Variants in SCRG1 observed in about 807,000 individuals in gnomAD.
SCRG1 encodes the protein stimulator of chondrogenesis 1.
Under a neutral mutation model 7.7 loss-of-function variants are expected in SCRG1, and 3 were observed. That is an observed-to-expected ratio of 0.39 (90% CI 0.18 to 1.01). The LOEUF (loss-of-function observed/expected upper bound fraction) is 1.01. SCRG1 is among the 50% of genes least tolerant of loss of function. The pLI is 0.36. For synonymous variants in SCRG1, 46 were observed against 41.2 expected, an observed-to-expected ratio of 1.12 and a Z score of -0.44; for missense variants, 110 against 117.2, an observed-to-expected ratio of 0.94 and a Z score of 0.28.
the SCRG1 span, among the ~76,000 whole-genome samples, chr4:173,438,575 A>G: frequency 3.3e-5 from 5 of 150,666 alleles, no homozygotes; most frequent in Non-Finnish European, 7.4e-5. Context: ...ATATTGATCA[A>G]TCAATGACTA....
chr4:173,451,626 CTTACTTATTTTATTTATTTATTTATTTAT>C, the SCRG1 span, among the ~76,000 whole-genome samples: 16 of 121,448 alleles, frequency 1.3e-4, no homozygotes, highest in South Asian at 2.7e-4. Context: ...TTTTATTTTA[CTTACTTATTTTATTTATTTATTTATTTAT>C]TTATTTATTT....
chr4:173,412,775 A>T, the SCRG1 span, among the ~76,000 whole-genome samples: 4 of 152,180 alleles, frequency 2.6e-5, no homozygotes, highest in Non-Finnish European at 4.4e-5. Context: ...CTTTGATTCC[A>T]AGTGGCTTAG....
chr4:173,464,568 C>T, the SCRG1 span, among the ~76,000 whole-genome samples: 3 of 152,100 alleles, frequency 2.0e-5, no homozygotes, highest in African/African-American at 7.2e-5. Context: ...TCTTATAAAA[C>T]AACAACAACT....
the SCRG1 span, among the ~76,000 whole-genome samples, chr4:173,434,506 CAA>C: frequency 6.6e-6 from 1 of 152,116 alleles, no homozygotes; most frequent in African/African-American, 2.4e-5. Flanking sequence ...ATGGAATTTC[CAA>C]AGATACATTT....
At chr4:173,460,577 C>G in the SCRG1 span, among the ~76,000 whole-genome samples, 1 of 152,218 alleles carries the variant, frequency 6.6e-6, no homozygotes, top group East Asian at 1.9e-4. Flanking sequence ...CAGAAGGGAA[C>G]CCCGTGCCCT....
the SCRG1 span, among the ~76,000 whole-genome samples, chr4:173,465,556 G>A: frequency 2.0e-5 from 3 of 151,936 alleles, no homozygotes; most frequent in Admixed American, 6.6e-5. Context: ...TCCCTCCTGT[G>A]ATATCATTCC....
the SCRG1 span, among the ~76,000 whole-genome samples, chr4:173,441,223 T>C: frequency 9.2e-5 from 14 of 152,194 alleles, no homozygotes; most frequent in Admixed American, 9.2e-4. Context: ...GTGTGATACA[T>C]GTAAAGGAGG....
chr4:173,419,993 A>G, the SCRG1 span: 1 of 694,726 alleles, frequency 1.4e-6, no homozygotes. Flanking sequence ...ATCATCCTGT[A>G]TTTGGGTGTG....
the SCRG1 span, among the ~76,000 whole-genome samples, chr4:173,474,923 ATCTC>A: frequency 1.9e-4 from 29 of 150,560 alleles, 1 homozygote; most frequent in Non-Finnish European, 3.2e-4. Context: ...ATATTTTGAA[ATCTC>A]TCTCTCTCTT....
the SCRG1 span, among the ~76,000 whole-genome samples, chr4:173,512,492 A>C: frequency 6.6e-5 from 10 of 152,280 alleles, no homozygotes; most frequent in African/African-American, 2.4e-4. Flanking sequence ...ACTCAAGTGC[A>C]CACGCAGAGA....
the SCRG1 span, among the ~76,000 whole-genome samples, chr4:173,411,558 C>A: frequency 6.6e-6 from 1 of 152,020 alleles, no homozygotes; most frequent in African/African-American, 2.4e-5. Flanking sequence ...TATTTAGCAA[C>A]CTGTATGGTG....
chr4:173,416,350 C>A, the SCRG1 span, among the ~76,000 whole-genome samples: 23 of 151,824 alleles, frequency 1.5e-4, no homozygotes, highest in Non-Finnish European at 3.1e-4. Context: ...AAACGATGCT[C>A]CCCGCTGCCA....
the SCRG1 span, among the ~76,000 whole-genome samples, chr4:173,483,429 A>ATATTATATATTATATCAT: frequency 6.2e-4 from 6 of 9,644 alleles, no homozygotes; most frequent in South Asian, 7.8e-3. Flanking sequence ...ATCATGATAT[A>ATATTATATATTATATCAT]GTATATATTA....
chr4:173,415,559 G>A, the SCRG1 span, among the ~76,000 whole-genome samples: 5 of 152,154 alleles, frequency 3.3e-5, no homozygotes, highest in Admixed American at 2.0e-4. Flanking sequence ...CCTCCAAATA[G>A]CCTTTTCTTT....
At chr4:173,466,434 T>C in the SCRG1 span, among the ~76,000 whole-genome samples, 651 of 152,154 alleles carry the variant, frequency 4.3e-3, 7 homozygotes, top group Non-Finnish European at 6.2e-3. Context: ...ACTTTTTCCA[T>C]GGTCTTTCAG....
the SCRG1 span, among the ~76,000 whole-genome samples, chr4:173,483,586 TATATTATATTGTGATATATAATATATATG>T: frequency 2.3e-4 from 18 of 79,518 alleles, 1 homozygote; most frequent in African/African-American, 8.3e-4. Context: ...ATATATATGA[TATATTATATTGTGATATATAATATATATG>T]ATATATTATA....
At chr4:173,433,133 C>T in the SCRG1 span, among the ~76,000 whole-genome samples, 2 of 152,192 alleles carry the variant, frequency 1.3e-5, no homozygotes, top group African/African-American at 2.4e-5. Context: ...AGCAAACCAA[C>T]AAAAGCAGTT....
At chr4:173,434,365 A>T in the SCRG1 span, among the ~76,000 whole-genome samples, 1 of 152,302 alleles carries the variant, frequency 6.6e-6, no homozygotes, top group East Asian at 1.9e-4. Flanking sequence ...GTAAAAAGGG[A>T]ACTAAAGGAA....
At chr4:173,507,200 T>G in the SCRG1 span, among the ~76,000 whole-genome samples, 1 of 138,288 alleles carries the variant, frequency 7.2e-6, no homozygotes, top group Non-Finnish European at 1.6e-5. This position sits in a 1 kb window ranked among gnomAD's most constrained non-coding sequence, Gnocchi z 4.4. Flanking sequence ...TGTTTTTCTG[T>G]TTGTTTGTTT....
Sources: gnomAD v4.1 joint callset for allele counts (sites outside exome capture counted in the v4.1 genomes callset) on GRCh38, gnomAD v4.1.1 for gene constraint, Gnocchi (gnomAD v3.1) non-coding constraint, MANE v1.5 for transcripts, NCBI Gene and HGNC (gene_info 2026-07-23, HGNC 2026-07-21) for gene names.